STARD13: variants seen among roughly 807,000 people sequenced by gnomAD.
The protein encoded by STARD13 is StAR related lipid transfer domain containing 13, also known as stAR-related lipid transfer protein 13.
In STARD13, 62 loss-of-function variants were observed where a neutral mutation model predicts 106.4. The ratio of observed to expected loss-of-function variants is 0.58; its 90% CI spans 0.48 to 0.72. The LOEUF (loss-of-function observed/expected upper bound fraction) is 0.72, where lower values mean the gene tolerates loss of function less well. STARD13 is among the 30% of genes least tolerant of loss of function. The probability of loss-of-function intolerance (pLI) is 0.00; values close to 1 mark genes in which losing one functional copy is unlikely to be tolerated. For synonymous variants in STARD13, 565 were observed against 553.0 expected (o/e 1.02, Z -0.31); for missense variants, 1,387 against 1,424.0 (o/e 0.97, Z 0.42).
At chr13:33,261,432 G>A (rs1207965565) in intron 1 of STARD13, among the ~76,000 whole-genome samples, 1 of 152,110 alleles carries the variant, frequency 6.6e-6, no homozygotes, top group Non-Finnish European at 1.5e-5. Flanking sequence ...ATAAGCCAGC[G>A]CTCCTTTTAG....
At position 33,128,921 on chromosome 13, in the gene STARD13, C is replaced by T. The variant is rs1262322066; in HGVS notation, c.1748+8G>A. 1.9e-6 allele frequency: 3 copies of T among 1,591,746 alleles called. No individual in the cohort carries two copies. The highest frequency in any genetic ancestry group is 2.3e-5 in the South Asian group (2 of 86,960). The stretch of plus-strand genomic sequence containing the variant: ...TGAAAAATCATTTCACAAGTGCATG[C>T]CACCTACCTGTTTGGCCTGGTCAGA... On this transcript the variant is annotated splice_region_variant and intron_variant, in intron 5 of 13. Coordinates refer to ENST00000336934, the MANE Select transcript of STARD13 (RefSeq NM_178006.4).
intron 4 of STARD13, among the ~76,000 whole-genome samples, chr13:33,141,587 T>G (rs1370222609): frequency 6.6e-6 from 1 of 152,064 alleles, no homozygotes; most frequent in East Asian, 1.9e-4. Context: ...GTGGGGAGAA[T>G]GGTGAAAGAT....
chr13:33,499,627 T>TCTTCTTCTTCTTCTTCTTCTTCTC, the STARD13 span, among the ~76,000 whole-genome samples: 2 of 113,490 alleles, frequency 1.8e-5, no homozygotes, highest in African/African-American at 1.0e-4. Flanking sequence ...TTCTTCTTCT[T>TCTTCTTCTTCTTCTTCTTCTTCTC]CTTCTTCTTC....
At chr13:33,610,454 C>A in the STARD13 span, among the ~76,000 whole-genome samples, 4 of 152,372 alleles carry the variant, frequency 2.6e-5, no homozygotes, top group East Asian at 7.7e-4. Context: ...AGAGAAGAAT[C>A]ATGGACTCCC....
the STARD13 span, among the ~76,000 whole-genome samples, chr13:33,583,719 G>A: frequency 6.6e-6 from 1 of 152,128 alleles, no homozygotes; most frequent in East Asian, 1.9e-4. Flanking sequence ...GTGAACTGTA[G>A]CAACTCATAG....
the STARD13 span, chr13:33,661,395 A>G: frequency 6.6e-5 from 10 of 152,410 alleles, no homozygotes; most frequent in South Asian, 4.1e-4. Context: ...GTAAGAAGGC[A>G]CGTCCAGATC....
At chr13:33,237,495 G>T (rs1242377268) in intron 1 of STARD13, among the ~76,000 whole-genome samples, 1 of 152,078 alleles carries the variant, frequency 6.6e-6, no homozygotes, top group African/African-American at 2.4e-5. Context: ...GACCTGTTTT[G>T]CAGTAGTCTC....
chr13:33,110,608 GT>G, intron 11 of STARD13, 77 bp downstream of exon 11: 1 of 1,281,476 alleles, frequency 7.8e-7, no homozygotes, highest in Non-Finnish European at 1.1e-6. Flanking sequence ...CACAGCAGCT[GT>G]TTTCAATGCA....
chr13:33,451,105 C>T, the STARD13 span, among the ~76,000 whole-genome samples: 1 of 152,010 alleles, frequency 6.6e-6, no homozygotes, highest in Non-Finnish European at 1.5e-5. Context: ...GTTTTGAACT[C>T]CTGGGCTCAA....
intron 1 of STARD13, among the ~76,000 whole-genome samples, chr13:33,295,375 G>A (rs1420438820): frequency 2.0e-5 from 3 of 152,120 alleles, no homozygotes; most frequent in Non-Finnish European, 4.4e-5. Flanking sequence ...GTAATAGCAG[G>A]GCAGCAAGGG....
chr13:33,127,332 C>T (rs1413005997), intron 6 of STARD13, 41 bp downstream of exon 6: 2 of 1,518,242 alleles, frequency 1.3e-6, no homozygotes, highest in South Asian at 1.3e-5. Context: ...ACACTTAGCT[C>T]TAGAGCCAAG....
the STARD13 span, among the ~76,000 whole-genome samples, chr13:33,474,158 G>A: frequency 6.6e-6 from 1 of 152,154 alleles, no homozygotes; most frequent in Non-Finnish European, 1.5e-5. Context: ...GAATGGGAAA[G>A]CAAGATGGAG....
chr13:33,283,237 T>C (rs1891892572), intron 1 of STARD13, among the ~76,000 whole-genome samples: 1 of 152,294 alleles, frequency 6.6e-6, no homozygotes. Flanking sequence ...AAAAAGTCTC[T>C]AGTATATTAT....
upstream of STARD13, among the ~76,000 whole-genome samples, chr13:33,288,809 C>A (rs1317495220): frequency 6.6e-6 from 1 of 152,044 alleles, no homozygotes; most frequent in Non-Finnish European, 1.5e-5. Context: ...ATGTTTTTGT[C>A]ATTTTGTATT....
the STARD13 span, among the ~76,000 whole-genome samples, chr13:33,675,628 A>G: frequency 2.0e-5 from 3 of 152,190 alleles, no homozygotes; most frequent in African/African-American, 7.2e-5. Context: ...GCTCTCTGTG[A>G]AAAGGGTACA....
the STARD13 span, among the ~76,000 whole-genome samples, chr13:33,536,736 A>G: frequency 6.6e-6 from 1 of 152,242 alleles, no homozygotes; most frequent in South Asian, 2.1e-4. Flanking sequence ...TCCTCTTTAA[A>G]GAAAGAAGAA....
Position 33,111,960 on chromosome 13 carries a change from C to T in STARD13, c.2493-68G>A. ...GAGCTTGTCACAATACCAAACTCATCCCTTTTGTTTTCTGTTTATACCCAG... is the reference window on the plus strand; with the variant it reads ...GAGCTTGTCACAATACCAAACTCATTCCTTTTGTTTTCTGTTTATACCCAG... On this transcript the variant is annotated intron_variant, in intron 9 of 13. Transcript: ENST00000336934. The T allele has an allele frequency of 5.0e-6, 5 of 1,004,210 alleles. No individual in the cohort carries two copies. The South Asian group carries it at 6.6e-5, about 13-fold the overall frequency. The allele number at this position is 1,004,210 out of a possible 1,614,324, so 62.2% of individuals were successfully genotyped here.
At chr13:33,616,789 A>T in the STARD13 span, among the ~76,000 whole-genome samples, 1 of 152,272 alleles carries the variant, frequency 6.6e-6, no homozygotes, top group Non-Finnish European at 1.5e-5. Flanking sequence ...CACAAAATAC[A>T]TAACTAGAAA....
In STARD13 at chr13:33,103,949, G is replaced by A. The variant is rs752686396; in HGVS notation, c.*1644C>T. The A allele has an allele frequency of 2.0e-4, 31 of 152,148 alleles. No individual in the cohort carries two copies. The highest frequency in any genetic ancestry group is 3.7e-4 in the Non-Finnish European group (25 of 68,030). The allele number at this position is 152,148 out of a possible 1,614,324, so 9.4% of individuals were successfully genotyped here. A position where few individuals can be genotyped will look rare whatever the true frequency, so the allele number is the denominator to read the frequency against. On this transcript the variant is annotated 3_prime_UTR_variant, in exon 14 of 14. Transcript: ENST00000336934. ...TAGATATGGGAATGAAAAATTTCTAGGTCATAATTCAAACTGTAAGATTTT... is the reference window on the plus strand; with the variant it reads ...TAGATATGGGAATGAAAAATTTCTAAGTCATAATTCAAACTGTAAGATTTT...
Sources: allele counts gnomAD v4.1 joint callset (sites outside exome capture counted in the v4.1 genomes callset), GRCh38; gene constraint gnomAD v4.1.1; transcripts MANE v1.5; gene names NCBI Gene and HGNC (gene_info 2026-07-23, HGNC 2026-07-21).